The following ATP1B3 variants were observed in gnomAD, a reference collection of about 807,000 sequenced individuals.
ATP1B3 encodes sodium/potassium-transporting ATPase subunit beta-3.
A neutral mutation model predicts 30.2 loss-of-function variants in ATP1B3; 10 were observed. The observed-to-expected ratio is 0.33, with a 90% CI of 0.20 to 0.56. The LOEUF is 0.56. Among genes scored for constraint, ATP1B3 ranks in the 20% least tolerant of loss-of-function variants. The pLI is 0.90. For missense variants in ATP1B3, 238 were observed against 336.7 expected, an observed-to-expected ratio of 0.71 and a Z score of 2.29; for synonymous variants, 113 against 117.0, an observed-to-expected ratio of 0.97 and a Z score of 0.22.
chr3:141,912,193 T>C (rs976341005), intron 3 of ATP1B3, among the ~76,000 whole-genome samples: 1 of 61,820 alleles, frequency 1.6e-5, no homozygotes, highest in Non-Finnish European at 2.9e-5. Flanking sequence ...CCAAACATTT[T>C]GACAGTGATT....
Position 141,913,635 on chromosome 3 carries a change from A to T in ATP1B3, c.347-17A>T, listed in dbSNP as rs367691125. ...CTTTTTTGGCTGATCTAGCACACAT[A>T]TATGTTTCCTTTTTAGCATATACTT... On this transcript the variant is annotated splice_polypyrimidine_tract_variant and intron_variant, in intron 3 of 6. Transcript: ENST00000286371. 1.9e-6 allele frequency: 3 copies of T among 1,603,704 alleles called. No homozygotes were observed. The highest frequency in any genetic ancestry group is 2.5e-6 in the Non-Finnish European group (3 of 1,176,622).
intron 6 of ATP1B3, among the ~76,000 whole-genome samples, chr3:141,922,667 TAAATG>T (rs950054160): frequency 6.6e-5 from 10 of 151,282 alleles, no homozygotes; most frequent in South Asian, 4.2e-4. Context: ...ACCAAAAAAA[TAAATG>T]AAAAGAAAAT....
chr3:141,917,349 C>A (rs1285573666), intron 5 of ATP1B3, among the ~76,000 whole-genome samples: 1 of 152,056 alleles, frequency 6.6e-6, no homozygotes, highest in Non-Finnish European at 1.5e-5. Context: ...TGACCACTGG[C>A]AATTCACTTT....
chr3:141,918,471 G>GTC (rs1176081886), intron 5 of ATP1B3: 2 of 150,824 alleles, frequency 1.3e-5, no homozygotes, highest in African/African-American at 2.4e-5. Context: ...TTGAGACGGA[G>GTC]TCTCTCTCTG....
rs543381929 is a variant in ATP1B3, at chr3:141,921,818, C to T, written c.583-159C>T. Reference sequence around the variant, plus strand: ...AGATAATATTTGCAATCAAGATGAGCAAGCTTCTTCTCAGAAATACACTTG... The same window carrying T: ...AGATAATATTTGCAATCAAGATGAGTAAGCTTCTTCTCAGAAATACACTTG... On this transcript the variant is annotated intron_variant, in intron 5 of 6. Transcript: ENST00000286371. 34 of 482,618 alleles carry T rather than the reference C, an allele frequency of 7.0e-5. 1 individual carries two copies. The South Asian group carries it at 7.3e-4, about 10-fold the overall frequency. 29.9% of individuals were successfully genotyped at this position (482,618 alleles called of 1,614,324 possible).
chr3:141,883,333 CA>C (rs1237394252), intron 1 of ATP1B3, among the ~76,000 whole-genome samples: 1 of 152,050 alleles, frequency 6.6e-6, no homozygotes, highest in African/African-American at 2.4e-5. Context: ...ACTAAAAATA[CA>C]AAAAATTAGC....
intron 5 of ATP1B3, 65 bp from the exon 6 acceptor site, chr3:141,921,912 A>G: frequency 1.2e-6 from 1 of 865,200 alleles, no homozygotes; most frequent in Non-Finnish European, 1.7e-6. Context: ...TCCTTTAATT[A>G]TAAACATAGT....
chr3:141,892,996 G>T (rs573694730), intron 1 of ATP1B3, among the ~76,000 whole-genome samples: 7 of 152,170 alleles, frequency 4.6e-5, no homozygotes, highest in Admixed American at 4.6e-4. Flanking sequence ...GCTCACCATT[G>T]CCTTATGTAG....
At position 141,905,358 on chromosome 3, in the gene ATP1B3, A is replaced by G. The variant is rs559111551; in HGVS notation, c.238+1610A>G. On this transcript the variant is annotated intron_variant, in intron 2 of 6. Coordinates refer to ENST00000286371, the MANE Select transcript of ATP1B3 (RefSeq NM_001679.4). ...TACAGCTAGAGAGGTGGTACTGTGA[A>G]TAGAGGCCAGGGATGTTGCTAAACA... 5.8e-4 allele frequency among the ~76,000 whole-genome samples: 89 copies of G among 152,242 alleles called. 1 individual carries two copies. The highest frequency in any genetic ancestry group is 2.2e-3 in the Admixed American group (34 of 15,294).
chr3:141,896,890 G>A (rs1934076875), intron 1 of ATP1B3, among the ~76,000 whole-genome samples: 1 of 152,094 alleles, frequency 6.6e-6, no homozygotes, highest in African/African-American at 2.4e-5. Flanking sequence ...TTGAATGTGT[G>A]ATAATTATTG....
At chr3:141,878,531 C>T (rs953073372) in intron 1 of ATP1B3, among the ~76,000 whole-genome samples, 32 of 152,202 alleles carry the variant, frequency 2.1e-4, no homozygotes, top group African/African-American at 7.7e-4. Context: ...AACGGAGTAA[C>T]TCCACTTTGT....
At chr3:141,913,113 A>G (rs1934393970) in intron 3 of ATP1B3, among the ~76,000 whole-genome samples, 1 of 151,866 alleles carries the variant, frequency 6.6e-6, no homozygotes, top group Admixed American at 6.6e-5. Flanking sequence ...AAGACTCTAT[A>G]TGGTCTGGCT....
At chr3:141,901,403 G>A (rs1168393155) in intron 1 of ATP1B3, among the ~76,000 whole-genome samples, 1 of 152,148 alleles carries the variant, frequency 6.6e-6, no homozygotes, top group African/African-American at 2.4e-5. Context: ...AGGGGGAAGA[G>A]GTGGTTGATA....
At chr3:141,912,212 C>T (rs1934375632) in intron 3 of ATP1B3, among the ~76,000 whole-genome samples, 1 of 152,050 alleles carries the variant, frequency 6.6e-6, no homozygotes, top group Non-Finnish European at 1.5e-5. Flanking sequence ...TTTTTTTCCC[C>T]CAAGGTAAAG....
chr3:141,908,296 C>T (rs1934299394), intron 3 of ATP1B3, among the ~76,000 whole-genome samples: 1 of 152,016 alleles, frequency 6.6e-6, no homozygotes, highest in Admixed American at 6.6e-5. Flanking sequence ...TTGGCCGAGC[C>T]ATTTATGTGA....
intron 1 of ATP1B3, among the ~76,000 whole-genome samples, chr3:141,887,769 C>T (rs908278377): frequency 2.6e-5 from 4 of 152,138 alleles, no homozygotes; most frequent in African/African-American, 9.7e-5. Flanking sequence ...ATGAATCTCA[C>T]AGGTTGACTG....
chr3:141,917,609 G>T (rs188304677), intron 5 of ATP1B3, among the ~76,000 whole-genome samples: 1 of 151,846 alleles, frequency 6.6e-6, no homozygotes, highest in African/African-American at 2.4e-5. Context: ...CAAAGGAACC[G>T]CTTGAACCTG....
chr3:141,925,359 A>G (rs1489767630), intron 6 of ATP1B3, among the ~76,000 whole-genome samples, 172 bp from the exon 7 acceptor site: 1 of 151,992 alleles, frequency 6.6e-6, no homozygotes, highest in Admixed American at 6.5e-5. Context: ...GCTACTTAGG[A>G]AACTGAGGTG....
intron 2 of ATP1B3, among the ~76,000 whole-genome samples, chr3:141,904,035 T>G (rs1934216972): frequency 6.6e-6 from 1 of 152,252 alleles, no homozygotes; most frequent in Non-Finnish European, 1.5e-5. Context: ...CTGCCCCGCC[T>G]TGGCCTCCCA....
Sources: gnomAD v4.1 joint callset for allele counts (sites outside exome capture counted in the v4.1 genomes callset) on GRCh38, gnomAD v4.1.1 for gene constraint, MANE v1.5 for transcripts, NCBI Gene and HGNC (gene_info 2026-07-23, HGNC 2026-07-21) for gene names.